CDK14: variants seen among roughly 807,000 people sequenced by gnomAD.
The protein encoded by CDK14 is cyclin-dependent kinase 14.
In CDK14, 34 loss-of-function variants were observed where a neutral mutation model predicts 60.7. The observed-to-expected ratio is 0.56, with a 90% CI of 0.43 to 0.75. The LOEUF is 0.75. Among genes scored for constraint, CDK14 ranks in the 30% least tolerant of loss-of-function variants. The pLI, the probability that CDK14 is intolerant of heterozygous loss-of-function variation, is 0.00. For synonymous variants in CDK14, 197 were observed against 203.7 expected (o/e 0.97, Z 0.28); for missense variants, 482 against 564.1 (o/e 0.85, Z 1.47).
At chr7:90,730,003 T>C (rs185236460) in intron 3 of CDK14, among the ~76,000 whole-genome samples, 12 of 152,232 alleles carry the variant, frequency 7.9e-5, no homozygotes, top group Non-Finnish European at 1.5e-5. Flanking sequence ...TAGATATTTC[T>C]CCTAATGCTA....
chr7:91,067,934 TA>T (rs1222423076), intron 11 of CDK14, among the ~76,000 whole-genome samples: 1 of 152,252 alleles, frequency 6.6e-6, no homozygotes, highest in East Asian at 1.9e-4. Flanking sequence ...CATAGCAAAT[TA>T]TTAAGCTTGC....
chr7:90,668,402 A>T (rs143457008), intron 2 of CDK14, among the ~76,000 whole-genome samples: 1 of 152,170 alleles, frequency 6.6e-6, no homozygotes, highest in African/African-American at 2.4e-5. Flanking sequence ...TTCTTTATAG[A>T]TTCTGGTTGT....
At chr7:90,935,404 G>C (rs1793717435) in intron 8 of CDK14, among the ~76,000 whole-genome samples, 1 of 151,978 alleles carries the variant, frequency 6.6e-6, no homozygotes, top group Non-Finnish European at 1.5e-5. Context: ...TATCAGAAAG[G>C]GTTATTTTTA....
At chr7:91,089,206 C>T (rs1387229339) in intron 12 of CDK14, among the ~76,000 whole-genome samples, 1 of 152,152 alleles carries the variant, frequency 6.6e-6, no homozygotes, top group Non-Finnish European at 1.5e-5. Flanking sequence ...CATCAAACCA[C>T]GTCAACCATT....
chr7:90,872,163 T>C (rs569864956), intron 6 of CDK14, among the ~76,000 whole-genome samples: 1 of 152,302 alleles, frequency 6.6e-6, no homozygotes, highest in South Asian at 2.1e-4. Flanking sequence ...CATAAGCCAT[T>C]TGAGTTATAA....
In CDK14 at chr7:90,726,771, A is replaced by G. The variant is rs773016040; in HGVS notation, c.328A>G (p.Lys110Glu). 5 of 1,613,584 alleles carry G rather than the reference A, an allele frequency of 3.1e-6. No homozygotes were observed. The highest frequency in any genetic ancestry group is 4.2e-6 in the Non-Finnish European group (5 of 1,179,798). Residue 110 changes from lysine (K) to glutamate (E), a missense_variant, in exon 3 of 15, where the codon AAA becomes GAA. Physicochemically the swap from Lys to Glu is moderately conservative, Grantham distance 56. Transcript: ENST00000380050. ...TAACTTTAAGACCTCCTCCACTGGC[A>G]AAGAGTCACCTAAAGTTAGGCGGCA... The part of the protein sequence containing the change: ...CINFKTSSTG[K>E]ESPKVRRHSS...
At chr7:91,063,924 T>C (rs1797888112) in intron 11 of CDK14, among the ~76,000 whole-genome samples, 2 of 152,180 alleles carry the variant, frequency 1.3e-5, no homozygotes, top group Non-Finnish European at 1.5e-5. Context: ...GTCAGGGACT[T>C]ATCAGCTCTT....
chr7:91,108,078 C>T (rs759576905), intron 12 of CDK14, among the ~76,000 whole-genome samples: 2 of 152,266 alleles, frequency 1.3e-5, no homozygotes, highest in African/African-American at 2.4e-5. Flanking sequence ...GAGGCTGAAG[C>T]GGGCGGATCA....
At chr7:90,883,343 T>C (rs1791826985) in intron 6 of CDK14, among the ~76,000 whole-genome samples, 1 of 151,920 alleles carries the variant, frequency 6.6e-6, no homozygotes, top group Non-Finnish European at 1.5e-5. Flanking sequence ...ACTTAGAAAA[T>C]CTAGAAGAAA....
intron 2 of CDK14, among the ~76,000 whole-genome samples, chr7:90,631,675 A>G (rs1001950872): frequency 1.3e-5 from 2 of 152,190 alleles, no homozygotes; most frequent in Non-Finnish European, 2.9e-5. Flanking sequence ...AGAGTAGTGC[A>G]CAGTGTACAC....
intron 2 of CDK14, chr7:90,692,572 G>T (rs1801574195): frequency 2.4e-6 from 1 of 410,020 alleles, no homozygotes; most frequent in Admixed American, 6.4e-5. Flanking sequence ...TGTTTTTTCA[G>T]CTGTCAGCAG....
At chr7:90,912,783 AT>A (rs368495451) in intron 7 of CDK14, among the ~76,000 whole-genome samples, 2 of 150,932 alleles carry the variant, frequency 1.3e-5, no homozygotes, top group Non-Finnish European at 3.0e-5. Context: ...AAGTTTTTCT[AT>A]TTTTTTTGGT....
intron 9 of CDK14, among the ~76,000 whole-genome samples, chr7:90,956,275 C>A (rs1461494614): frequency 6.6e-6 from 1 of 152,036 alleles, no homozygotes; most frequent in African/African-American, 2.4e-5. Flanking sequence ...CACTAGTTAT[C>A]CAAAATGAAA....
At chr7:91,018,751 G>A (rs991794084) in intron 10 of CDK14, among the ~76,000 whole-genome samples, 23 of 152,160 alleles carry the variant, frequency 1.5e-4, no homozygotes, top group African/African-American at 5.3e-4. Flanking sequence ...CTCTAGTCAC[G>A]TAAAACGTGC....
intron 14 of CDK14, among the ~76,000 whole-genome samples, chr7:91,130,501 A>G (rs1054813529): frequency 6.8e-4 from 103 of 152,154 alleles, no homozygotes; most frequent in Non-Finnish European, 2.1e-4. Flanking sequence ...ACACTGCTCT[A>G]TTTCACAAGT....
intron 11 of CDK14, among the ~76,000 whole-genome samples, chr7:91,060,141 C>A (rs985457911): frequency 6.6e-6 from 1 of 151,982 alleles, no homozygotes; most frequent in African/African-American, 2.4e-5. Flanking sequence ...TGAATTGATC[C>A]CTTTACCATT....
intron 5 of CDK14, among the ~76,000 whole-genome samples, chr7:90,847,331 A>G (rs575222755): frequency 8.3e-4 from 126 of 152,330 alleles, no homozygotes; most frequent in African/African-American, 2.9e-3. Context: ...ACTTTGTTAA[A>G]TAAGTACCTG....
At chr7:90,802,118 G>A (rs968090344) in intron 5 of CDK14, among the ~76,000 whole-genome samples, 2 of 152,152 alleles carry the variant, frequency 1.3e-5, no homozygotes, top group African/African-American at 2.4e-5. Flanking sequence ...GTTTCCATTT[G>A]TGTTTTGTCA....
chr7:91,182,989 A>G (rs1802049372), intron 14 of CDK14, among the ~76,000 whole-genome samples: 1 of 152,198 alleles, frequency 6.6e-6, no homozygotes, highest in Non-Finnish European at 1.5e-5. Flanking sequence ...TTTATATGCA[A>G]CAAGTAAACA....
Sources: allele counts gnomAD v4.1 joint callset (sites outside exome capture counted in the v4.1 genomes callset), GRCh38; gene constraint gnomAD v4.1.1; transcripts MANE v1.5; gene names NCBI Gene and HGNC (gene_info 2026-07-23, HGNC 2026-07-21).